Variants in SRBD1 observed in about 807,000 individuals in gnomAD.
SRBD1 encodes the protein S1 RNA binding domain 1.
Under a neutral mutation model 115.3 loss-of-function variants are expected in SRBD1, and 88 were observed. That is an observed-to-expected ratio of 0.76 (90% CI 0.64 to 0.91). The LOEUF (loss-of-function observed/expected upper bound fraction) is 0.91, where lower values mean the gene tolerates loss of function less well. Ranked by LOEUF, SRBD1 falls within the 40% of genes least tolerant of loss-of-function variation. The pLI, the probability that SRBD1 is intolerant of heterozygous loss-of-function variation, is 0.00. For synonymous variants in SRBD1, 509 were observed against 407.7 expected (o/e 1.25, Z -2.99); for missense variants, 1,385 against 1,177.4 (o/e 1.18, Z -2.58).
chr2:45,490,607 C>A (rs867773195), intron 14 of SRBD1, among the ~76,000 whole-genome samples: 1 of 152,018 alleles, frequency 6.6e-6, no homozygotes, highest in Non-Finnish European at 1.5e-5. Context: ...CCAGAAGCCT[C>A]CAAAGTTACA....
intron 12 of SRBD1, among the ~76,000 whole-genome samples, chr2:45,549,431 G>A: frequency 6.6e-6 from 1 of 151,200 alleles, no homozygotes; most frequent in African/African-American, 2.4e-5. Flanking sequence ...AGAAATGCAT[G>A]ATAGTCAAAT....
At chr2:45,585,230 A>T (rs1228772756) in intron 5 of SRBD1, among the ~76,000 whole-genome samples, 1 of 152,124 alleles carries the variant, frequency 6.6e-6, no homozygotes, top group Non-Finnish European at 1.5e-5. Flanking sequence ...TCCACTTAGG[A>T]ACTTTATGAA....
intron 16 of SRBD1, among the ~76,000 whole-genome samples, chr2:45,427,785 C>T (rs1668202517): frequency 6.6e-6 from 1 of 152,166 alleles, no homozygotes; most frequent in African/African-American, 2.4e-5. Flanking sequence ...TTGGCTTCAT[C>T]TCTGGGATGC....
chr2:45,426,401 G>T (rs528646329), intron 16 of SRBD1, among the ~76,000 whole-genome samples: 1 of 152,322 alleles, frequency 6.6e-6, no homozygotes, highest in Non-Finnish European at 1.5e-5. Flanking sequence ...GCACCTGGCG[G>T]AAGGCGTGGC....
chr2:45,428,476 G>A (rs996906731), intron 16 of SRBD1, among the ~76,000 whole-genome samples: 8 of 152,032 alleles, frequency 5.3e-5, no homozygotes, highest in Non-Finnish European at 1.0e-4. Flanking sequence ...GCGTGAACCC[G>A]GGAGGCGGAG....
chr2:45,542,851 G>A lies in SRBD1; in HGVS notation c.1874+3881C>T, dbSNP rs543316742. On this transcript the variant is annotated intron_variant, in intron 14 of 20. Transcript: ENST00000263736. ...ACTAATTGTGATACAGCCAAACAAT[G>A]AATACTGTTCAGGAATAAAAAGAAC... Among the ~76,000 whole-genome samples, 4 of 152,240 alleles carry A rather than the reference G, an allele frequency of 2.6e-5. No homozygotes were observed. The South Asian group carries it at 8.3e-4, about 32-fold the overall frequency.
chr2:45,399,581 G>A (rs561529661), intron 19 of SRBD1, among the ~76,000 whole-genome samples: 72 of 152,230 alleles, frequency 4.7e-4, no homozygotes, highest in African/African-American at 1.7e-3. Flanking sequence ...GAAGGTAAAA[G>A]TTATAACAGA....
At chr2:45,410,424 T>C (rs1667565582) in intron 19 of SRBD1, among the ~76,000 whole-genome samples, 1 of 152,188 alleles carries the variant, frequency 6.6e-6, no homozygotes, top group African/African-American at 2.4e-5. Context: ...ACAAAAAAAC[T>C]GCGCAAGAAT....
chr2:45,592,055 A>G (rs934135065), intron 4 of SRBD1, among the ~76,000 whole-genome samples: 3 of 152,116 alleles, frequency 2.0e-5, no homozygotes, highest in African/African-American at 7.2e-5. Context: ...TGCGATAGTG[A>G]ATAAGTCTCA....
chr2:45,403,891 T>A (rs1216084257), intron 19 of SRBD1, among the ~76,000 whole-genome samples: 2 of 152,172 alleles, frequency 1.3e-5, no homozygotes, highest in African/African-American at 4.8e-5. Context: ...TTTGTACTCT[T>A]ATTTTAATAT....
In SRBD1 at chr2:45,548,838, C is replaced by T. The variant is rs142699828; in HGVS notation, c.1676-1226G>A. 4.5e-4 allele frequency among the ~76,000 whole-genome samples: 68 copies of T among 151,986 alleles called. No homozygotes were observed. In the East Asian group the frequency reaches 0.013, roughly 29 times the overall value. On this transcript the variant is annotated intron_variant, in intron 12 of 20. Coordinates refer to ENST00000263736, the MANE Select transcript of SRBD1 (RefSeq NM_018079.5). The stretch of plus-strand genomic sequence containing the variant: ...TATATCTAGAACATAGATAAAATAT[C>T]CCCACAAACCCCCACCCTCCAAAAA...
intron 14 of SRBD1, among the ~76,000 whole-genome samples, chr2:45,524,374 G>C (rs1004865092): frequency 6.6e-6 from 1 of 151,956 alleles, no homozygotes; most frequent in Non-Finnish European, 1.5e-5. Flanking sequence ...TCTATTCACA[G>C]ATAACATTAT....
chr2:45,567,605 T>C (rs545534620), intron 9 of SRBD1, among the ~76,000 whole-genome samples: 51 of 149,218 alleles, frequency 3.4e-4, no homozygotes, highest in African/African-American at 1.2e-3. Context: ...CAAGATACTG[T>C]CTAAGAAAAA....
intron 19 of SRBD1, among the ~76,000 whole-genome samples, chr2:45,399,765 G>C (rs906977244): frequency 1.3e-5 from 2 of 152,074 alleles, no homozygotes; most frequent in Admixed American, 6.6e-5. Context: ...TTCTGAATAA[G>C]AGTTGGACAA....
intron 16 of SRBD1, among the ~76,000 whole-genome samples, chr2:45,451,141 G>A (rs958454381): frequency 6.6e-6 from 1 of 151,958 alleles, no homozygotes; most frequent in Non-Finnish European, 1.5e-5. Flanking sequence ...AGAATTATTG[G>A]CAAATGGGAA....
At chr2:45,569,739 C>A (rs1034622275) in intron 9 of SRBD1, among the ~76,000 whole-genome samples, 1 of 152,160 alleles carries the variant, frequency 6.6e-6, no homozygotes, top group Non-Finnish European at 1.5e-5. Flanking sequence ...ATAGGACCCA[C>A]CTCTTTGCAT....
chr2:45,557,270 T>C (rs1672510459), intron 10 of SRBD1, among the ~76,000 whole-genome samples: 1 of 152,168 alleles, frequency 6.6e-6, no homozygotes, highest in African/African-American at 2.4e-5. Flanking sequence ...TCCTGAATCA[T>C]GCAACAGTAT....
intron 16 of SRBD1, among the ~76,000 whole-genome samples, chr2:45,443,879 C>T (rs986235942): frequency 1.3e-5 from 2 of 149,682 alleles, no homozygotes; most frequent in Non-Finnish European, 3.0e-5. Flanking sequence ...TTTTTTCTTA[C>T]GCATATCTAG....
chr2:45,484,073 T>C (rs1670044748), intron 15 of SRBD1, among the ~76,000 whole-genome samples: 1 of 152,096 alleles, frequency 6.6e-6, no homozygotes, highest in South Asian at 2.1e-4. Flanking sequence ...TGTTAAACTT[T>C]TTCTTCTGTC....
Sources: allele counts gnomAD v4.1 joint callset (sites outside exome capture counted in the v4.1 genomes callset), GRCh38; gene constraint gnomAD v4.1.1; transcripts MANE v1.5; gene names NCBI Gene and HGNC (gene_info 2026-07-23, HGNC 2026-07-21).